RBFOX1: variants seen among roughly 807,000 people sequenced by gnomAD.
The protein encoded by RBFOX1 is RNA binding protein fox-1 homolog 1.
Under a neutral mutation model 57.7 loss-of-function variants are expected in RBFOX1, and 8 were observed. The ratio of observed to expected loss-of-function variants is 0.14; its 90% confidence interval spans 0.08 to 0.25. The LOEUF (loss-of-function observed/expected upper bound fraction) is 0.25, where lower values mean the gene tolerates loss of function less well. RBFOX1 is among the 10% of genes least tolerant of loss of function. The probability of loss-of-function intolerance (pLI) is 1.00; values close to 1 mark genes in which losing one functional copy is unlikely to be tolerated. For synonymous variants in RBFOX1, 326 were observed against 222.4 expected (o/e 1.47, Z -4.15); for missense variants, 611 against 548.5 (o/e 1.11, Z -1.14).
chr16:6,505,921 C>G (rs541123294), intron 2 of RBFOX1, among the ~76,000 whole-genome samples: 2 of 152,264 alleles, frequency 1.3e-5, no homozygotes, highest in South Asian at 4.1e-4. Context: ...TAGGAGCATA[C>G]AGTTGAGTGG....
At chr16:6,968,253 C>G (rs1250411275) in intron 3 of RBFOX1, among the ~76,000 whole-genome samples, 2 of 152,198 alleles carry the variant, frequency 1.3e-5, no homozygotes, top group Non-Finnish European at 2.9e-5. Flanking sequence ...TCAGCAAAGA[C>G]CCCCAGGCAA....
intron 14 of RBFOX1, among the ~76,000 whole-genome samples, chr16:7,693,731 T>TATGTC (rs2077932302): frequency 6.6e-6 from 1 of 152,172 alleles, no homozygotes; most frequent in African/African-American, 2.4e-5. Flanking sequence ...TTTGACGTGT[T>TATGTC]ATGTCTGGGT....
At chr16:5,470,209 C>T (rs866300399) in intron 2 of RBFOX1, among the ~76,000 whole-genome samples, 1 of 152,228 alleles carries the variant, frequency 6.6e-6, no homozygotes, top group Non-Finnish European at 1.5e-5. Context: ...CCATGCTGTC[C>T]TGCATGTGGA....
intron 4 of RBFOX1, among the ~76,000 whole-genome samples, chr16:7,261,571 C>G (rs1049142414): frequency 7.9e-5 from 12 of 152,154 alleles, no homozygotes; most frequent in African/African-American, 2.4e-4. Flanking sequence ...CTTCATCAAA[C>G]CGTGCTTTAA....
chr16:7,167,357 C>T (rs886378450), intron 4 of RBFOX1, among the ~76,000 whole-genome samples: 1 of 151,726 alleles, frequency 6.6e-6, no homozygotes, highest in Non-Finnish European at 1.5e-5. Flanking sequence ...TAGAGTGGAC[C>T]CTAAGTCCAG....
At chr16:6,174,148 C>T (rs559257429) in intron 1 of RBFOX1, among the ~76,000 whole-genome samples, 17 of 152,250 alleles carry the variant, frequency 1.1e-4, no homozygotes, top group African/African-American at 1.7e-4. Flanking sequence ...TTCTATGAGT[C>T]GGCGTCATGT....
intron 4 of RBFOX1, among the ~76,000 whole-genome samples, chr16:7,178,305 C>T (rs1349020341): frequency 6.6e-6 from 1 of 152,158 alleles, no homozygotes; most frequent in Non-Finnish European, 1.5e-5. Context: ...ATTGACGTCA[C>T]TGAGAAAAAC....
chr16:5,963,645 C>A (rs1362324949), intron 4 of RBFOX1, among the ~76,000 whole-genome samples: 1 of 152,098 alleles, frequency 6.6e-6, no homozygotes, highest in Non-Finnish European at 1.5e-5. Context: ...GTGACAAGAA[C>A]CTGCAATGGG....
At chr16:6,465,510 T>A (rs1200031355) in intron 2 of RBFOX1, among the ~76,000 whole-genome samples, 1 of 152,122 alleles carries the variant, frequency 6.6e-6, no homozygotes, top group Non-Finnish European at 1.5e-5. Flanking sequence ...ATTTCTAAAA[T>A]CTACGTAAGA....
At chr16:6,787,832 A>G (rs906426525) in intron 3 of RBFOX1, among the ~76,000 whole-genome samples, 18 of 152,224 alleles carry the variant, frequency 1.2e-4, no homozygotes, top group African/African-American at 3.6e-4. Context: ...AAATAGAAGT[A>G]TATTTATATT....
At chr16:7,368,333 C>T (rs2097501919) in intron 4 of RBFOX1, among the ~76,000 whole-genome samples, 1 of 151,612 alleles carries the variant, frequency 6.6e-6, no homozygotes, top group African/African-American at 2.4e-5. Flanking sequence ...ATAGTCTATC[C>T]ATTTTGGGGT....
intron 1 of RBFOX1, among the ~76,000 whole-genome samples, chr16:5,308,937 G>C (rs1335508978): frequency 1.3e-5 from 2 of 152,100 alleles, no homozygotes; most frequent in Non-Finnish European, 1.5e-5. Flanking sequence ...CCTCCCCTGG[G>C]CTTGGGAGTT....
chr16:5,441,380 T>C (rs1597080134), intron 1 of RBFOX1, among the ~76,000 whole-genome samples: 2 of 151,134 alleles, frequency 1.3e-5, no homozygotes, highest in South Asian at 2.1e-4. Flanking sequence ...TTTTTTTTTT[T>C]TTGAGACAGA....
chr16:7,091,365 C>G (rs909734336), intron 4 of RBFOX1, among the ~76,000 whole-genome samples: 2 of 145,896 alleles, frequency 1.4e-5, no homozygotes, highest in Non-Finnish European at 3.0e-5. Context: ...CTTTTAAAAA[C>G]TTTTTTTTTT....
At chr16:7,059,302 G>A (rs980325568) in intron 4 of RBFOX1, among the ~76,000 whole-genome samples, 2 of 152,094 alleles carry the variant, frequency 1.3e-5, no homozygotes, top group Non-Finnish European at 2.9e-5. Context: ...ACCCCTTGGT[G>A]AGACCTCACA....
chr16:6,844,012 C>T (rs542500159), intron 3 of RBFOX1, among the ~76,000 whole-genome samples: 2 of 152,174 alleles, frequency 1.3e-5, no homozygotes. Flanking sequence ...CATTTTCTGT[C>T]TGAACCTTTT....
intron 3 of RBFOX1, among the ~76,000 whole-genome samples, chr16:5,848,429 C>G (rs1362815064): frequency 6.6e-6 from 1 of 152,132 alleles, no homozygotes; most frequent in Non-Finnish European, 1.5e-5. Context: ...ATCAGAAAAC[C>G]ATCTGAAAAA....
chr16:5,544,478 TAA>T (rs2045101404), intron 2 of RBFOX1, among the ~76,000 whole-genome samples: 1 of 151,974 alleles, frequency 6.6e-6, no homozygotes, highest in South Asian at 2.1e-4. Flanking sequence ...AATTTCACTC[TAA>T]GAGACTAGAA....
chr16:7,266,186 A>G (rs1051692327), intron 4 of RBFOX1, among the ~76,000 whole-genome samples: 3 of 151,872 alleles, frequency 2.0e-5, no homozygotes, highest in Non-Finnish European at 1.5e-5. Context: ...TGTGTTACCC[A>G]AGATAGTGTG....
Sources: gnomAD v4.1 joint callset for allele counts (sites outside exome capture counted in the v4.1 genomes callset) on GRCh38, gnomAD v4.1.1 for gene constraint, MANE v1.5 for transcripts, NCBI Gene and HGNC (gene_info 2026-07-23, HGNC 2026-07-21) for gene names.